Variants in SENP2 observed in about 807,000 individuals in gnomAD.
The protein encoded by SENP2 is SUMO specific peptidase 2.
In SENP2, 16 loss-of-function variants were observed where a neutral mutation model predicts 86.3. The ratio of observed to expected loss-of-function variants is 0.19; its 90% confidence interval spans 0.13 to 0.28. The LOEUF is 0.28. Among genes scored for constraint, SENP2 ranks in the 10% least tolerant of loss-of-function variants. SENP2 has a pLI of 1.00. For synonymous variants in SENP2, 222 were observed against 238.7 expected, an observed-to-expected ratio of 0.93 and a Z score of 0.64; for missense variants, 552 against 703.0, an observed-to-expected ratio of 0.79 and a Z score of 2.43.
At position 185,619,798 on chromosome 3, in the gene SENP2, G is replaced by A. The variant is rs377411258; in HGVS notation, c.1446+296G>A. Among the ~76,000 whole-genome samples, 11 of 152,154 alleles carry A rather than the reference G, an allele frequency of 7.2e-5. No homozygotes were observed. In the East Asian group the frequency reaches 1.4e-3, roughly 19 times the overall value. On this transcript the variant is annotated intron_variant, in intron 13 of 16. Coordinates refer to ENST00000296257, the MANE Select transcript of SENP2 (RefSeq NM_021627.3). ...GCTGGAGTGAACTGGTGTGATCATA[G>A]CTCATTGCAGCCTGGAAGTCCTGGA...
chr3:185,620,244 T>C (rs992500992), intron 13 of SENP2, among the ~76,000 whole-genome samples: 2 of 151,756 alleles, frequency 1.3e-5, no homozygotes, highest in Non-Finnish European at 2.9e-5. Flanking sequence ...TTTTAATTTA[T>C]TTTAATTTTT....
At chr3:185,616,374 G>A (rs1472596519) in intron 11 of SENP2, among the ~76,000 whole-genome samples, 4 of 150,674 alleles carry the variant, frequency 2.7e-5, no homozygotes, top group Admixed American at 6.6e-5. Context: ...AGGAGACTGA[G>A]GCATGAAAAT....
intron 15 of SENP2, among the ~76,000 whole-genome samples, chr3:185,625,304 A>C (rs979253411): frequency 6.6e-6 from 1 of 151,726 alleles, no homozygotes; most frequent in Non-Finnish European, 1.5e-5. Flanking sequence ...GTAGAGACGG[A>C]GTTTCACCAT....
At chr3:185,623,930 T>C (rs1712016146) in intron 14 of SENP2, 68 bp from the exon 15 acceptor site, 5 of 844,130 alleles carry the variant, frequency 5.9e-6, no homozygotes, top group Non-Finnish European at 9.5e-6. Flanking sequence ...CAGAAAGCCC[T>C]ATGTAACCAT....
chr3:185,605,876 G>A (rs1722495017), intron 5 of SENP2, among the ~76,000 whole-genome samples: 1 of 152,044 alleles, frequency 6.6e-6, no homozygotes, highest in Admixed American at 6.6e-5. Context: ...AGGGCCTTTT[G>A]GCTTAGACCC....
At chr3:185,623,828 A>C in intron 14 of SENP2, among the ~76,000 whole-genome samples, 170 bp from the exon 15 acceptor site, 1 of 144,972 alleles carries the variant, frequency 6.9e-6, no homozygotes, top group Admixed American at 6.8e-5. Flanking sequence ...CTCTGTCTCA[A>C]AAAAAAAAAA....
chr3:185,623,959 G>A (rs1247175899), intron 14 of SENP2, 39 bp from the exon 15 acceptor site: 3 of 1,207,014 alleles, frequency 2.5e-6, no homozygotes, highest in Admixed American at 1.8e-5. Flanking sequence ...ATTTCTTTAG[G>A]GATTTATTGA....
chr3:185,604,419 G>T (rs1453920744), intron 5 of SENP2, among the ~76,000 whole-genome samples: 1 of 152,192 alleles, frequency 6.6e-6, no homozygotes, highest in Non-Finnish European at 1.5e-5. Context: ...TGGGTAGAAT[G>T]ACCTAAATGT....
intron 13 of SENP2, among the ~76,000 whole-genome samples, chr3:185,619,927 T>G (rs1711780234): frequency 6.6e-6 from 1 of 151,916 alleles, no homozygotes; most frequent in East Asian, 1.9e-4. Flanking sequence ...AAAGATGGAG[T>G]CTTGCTATGT....
intron 2 of SENP2, among the ~76,000 whole-genome samples, chr3:185,590,519 GC>G (rs1368592316): frequency 1.3e-5 from 2 of 150,880 alleles, no homozygotes; most frequent in South Asian, 4.2e-4. Flanking sequence ...TTGCACTTCA[GC>G]CTGGGGCGAC....
Position 185,609,363 on chromosome 3 carries a change from TA to T in SENP2, c.722+15del. ...CAAATTATCACAGGTGACAGTGAGC[TA>T]ACAGATAATGCTTTGCTAGGCATCT... is the stretch of plus-strand genomic sequence containing the variant. On this transcript the variant is annotated intron_variant, in intron 7 of 16. Transcript: ENST00000296257. The T allele has an allele frequency of 6.5e-7, 1 of 1,545,328 alleles. No homozygotes were observed. Among genetic ancestry groups the T allele is most frequent in the Non-Finnish European group, 8.9e-7 (1 of 1,118,136 alleles).
At chr3:185,592,904 A>G (rs1402083684) in intron 2 of SENP2, among the ~76,000 whole-genome samples, 1 of 152,250 alleles carries the variant, frequency 6.6e-6, no homozygotes, top group African/African-American at 2.4e-5. Context: ...GGCGTGAGCC[A>G]CCGTGCCCGG....
intron 3 of SENP2, 55 bp from the exon 4 acceptor site, chr3:185,598,903 G>T: frequency 7.3e-7 from 1 of 1,368,560 alleles, no homozygotes; most frequent in Non-Finnish European, 1.0e-6. Flanking sequence ...ATAATAGAAA[G>T]TTATTTAGGT....
At position 185,626,169 on chromosome 3, in the gene SENP2, T is replaced by C. The variant is rs956555882; in HGVS notation, c.1612-129T>C. ...TGTGTTTTTTGTATATGACTGTGTG[T>C]TTAGGTAATACCTGATTTAATATTT... On this transcript the variant is annotated intron_variant, in intron 15 of 16. Transcript: ENST00000296257. 6.4e-6 allele frequency: 4 copies of C among 620,180 alleles called. No individual in the cohort carries two copies. The African/African-American group carries it at 7.4e-5, about 11-fold the overall frequency. The allele number at this position is 620,180 out of a possible 1,614,324, so 38.4% of individuals were successfully genotyped here.
intron 2 of SENP2, among the ~76,000 whole-genome samples, chr3:185,593,922 T>A (rs917783356): frequency 3.3e-5 from 5 of 151,886 alleles, no homozygotes; most frequent in Non-Finnish European, 7.4e-5. Flanking sequence ...AGAGACAGGG[T>A]TTCACCATGT....
chr3:185,601,733 G>A (rs1163477417), intron 5 of SENP2, among the ~76,000 whole-genome samples: 4 of 150,244 alleles, frequency 2.7e-5, no homozygotes, highest in Admixed American at 2.0e-4. Flanking sequence ...CGCCTCCTGG[G>A]TTCAAGCAAT....
At chr3:185,623,920 C>A in intron 14 of SENP2, 78 bp from the exon 15 acceptor site, 2 of 656,892 alleles carry the variant, frequency 3.0e-6, no homozygotes, top group Non-Finnish European at 5.0e-6. Flanking sequence ...TGTTTAACAT[C>A]AGAAAGCCCT....
At chr3:185,614,908 G>A (rs1235884582) in intron 11 of SENP2, among the ~76,000 whole-genome samples, 168 bp downstream of exon 11, 3 of 152,196 alleles carry the variant, frequency 2.0e-5, no homozygotes, top group African/African-American at 7.2e-5. Context: ...GATCTTTAGT[G>A]AGGCATGATC....
At chr3:185,628,508 A>C (rs1210184528) in intron 16 of SENP2, among the ~76,000 whole-genome samples, 1 of 151,548 alleles carries the variant, frequency 6.6e-6, no homozygotes, top group East Asian at 2.0e-4. Flanking sequence ...AATAATGTGA[A>C]CTTCTTTTTT....
Sources: allele counts gnomAD v4.1 joint callset (sites outside exome capture counted in the v4.1 genomes callset), GRCh38; gene constraint gnomAD v4.1.1; transcripts MANE v1.5; gene names NCBI Gene and HGNC (gene_info 2026-07-23, HGNC 2026-07-21).